The following DMAC1 variants were observed in gnomAD, a reference collection of about 807,000 sequenced individuals.
The protein encoded by DMAC1 is distal membrane arm assembly component 1.
Under a neutral mutation model 7.0 loss-of-function variants are expected in DMAC1, and 10 were observed. The ratio of observed to expected loss-of-function variants is 1.43; its 90% CI spans 0.88 to 2.43. The LOEUF is 2.43. Among genes scored for constraint, DMAC1 ranks in the 30% most tolerant of loss-of-function variants. DMAC1 has a pLI of 0.00. For missense variants in DMAC1, 219 were observed against 158.7 expected, an observed-to-expected ratio of 1.38 and a Z score of -2.04; for synonymous variants, 92 against 66.2, an observed-to-expected ratio of 1.39 and a Z score of -1.90.
At position 7,797,879 on chromosome 9, in the gene DMAC1, T is replaced by A. The variant is rs922928803; in HGVS notation, c.*694A>T. 2 of 152,210 alleles carry A rather than the reference T, an allele frequency of 1.3e-5. No individual in the cohort carries two copies. The highest frequency in any genetic ancestry group is 4.8e-5 in the African/African-American group (2 of 41,454). The allele number at this position is 152,210 out of a possible 1,614,324, so 9.4% of individuals were successfully genotyped here. A position where few individuals can be genotyped will look rare whatever the true frequency, so the allele number is the denominator to read the frequency against. On this transcript the variant is annotated 3_prime_UTR_variant, in exon 2 of 2. Coordinates refer to ENST00000358227, the MANE Select transcript of DMAC1 (RefSeq NM_033428.3). ...CTAGCTCCATCACGGACTTACTGAATGACCCTAGGCAAATCATGTGGGCTC... is the reference window on the plus strand; with the variant it reads ...CTAGCTCCATCACGGACTTACTGAAAGACCCTAGGCAAATCATGTGGGCTC...
In DMAC1 at chr9:7,799,486, G is replaced by A. The variant is rs1818694455; in HGVS notation, c.249C>T (p.Thr83=). The stretch of plus-strand genomic sequence containing the variant: ...TGAGGCCGATGACCATCTGCGTAAT[G>A]GTCCATGGACTCGGGGGGTATCCCA... The part of the protein sequence containing the change: ...MKMGYPPSPW[T]ITQMVIGLSI... Residue 83 remains threonine (T), a synonymous_variant, in exon 1 of 2, where the codon ACC becomes ACT. Coordinates refer to ENST00000358227, the MANE Select transcript of DMAC1 (RefSeq NM_033428.3). 1.2e-6 allele frequency: 2 copies of A among 1,612,918 alleles called. No homozygotes were observed. Among genetic ancestry groups the A allele is most frequent in the African/African-American group, 2.7e-5 (2 of 74,824 alleles).
chr9:7,799,725 G>A lies in DMAC1; in HGVS notation c.10C>T (p.Arg4Trp). Residue 4 changes from arginine to tryptophan, a missense_variant, in exon 1 of 2, where the codon CGG becomes TGG. Physicochemically the swap from Arg to Trp is moderately radical, Grantham distance 101. Transcript: ENST00000358227. MGS[R>W]LSQPFESYIT... is the part of the protein sequence containing the mutation. ...TAGGACTCAAAAGGCTGGGACAACC[G>A]AGACCCCATGCTCTGGAACTCGGCC... 4 of 1,539,014 alleles carry A rather than the reference G, an allele frequency of 2.6e-6. No homozygotes were observed. The highest frequency in any genetic ancestry group is 1.9e-4 in the Middle Eastern group (1 of 5,304).
Position 7,799,707 on chromosome 9 carries a change from C to G in DMAC1, c.28G>C (p.Glu10Gln), listed in dbSNP as rs1183976274. Residue 10 changes from glutamate to glutamine, a missense_variant, in exon 1 of 2, where the codon GAG (glutamate) becomes CAG (glutamine). Glu to Gln is a conservative substitution (Grantham distance 29). Transcript: ENST00000358227. MGSRLSQPF[E>Q]SYITAPPGTA... is the part of the protein sequence containing the mutation. ...CCGGGAGGCGCAGTGATATAGGACT[C>G]AAAAGGCTGGGACAACCGAGACCCC... The G allele has an allele frequency of 6.4e-7, 1 of 1,568,880 alleles. No individual in the cohort carries two copies.
In DMAC1 at chr9:7,798,507, C is replaced by T. The variant is rs758289938; in HGVS notation, c.*66G>A. 54 of 1,558,930 alleles carry T rather than the reference C, an allele frequency of 3.5e-5. No homozygotes were observed. Among genetic ancestry groups the T allele is most frequent in the Middle Eastern group, 3.3e-4 (2 of 6,008 alleles). On this transcript the variant is annotated 3_prime_UTR_variant, in exon 2 of 2. Coordinates refer to ENST00000358227, the MANE Select transcript of DMAC1 (RefSeq NM_033428.3). Reference sequence around the variant, plus strand: ...GTCTGTCCAGAACACCCATTAAATTCCATGCCTGCTGTGTGTGTCACGGGG... The same window carrying T: ...GTCTGTCCAGAACACCCATTAAATTTCATGCCTGCTGTGTGTGTCACGGGG...
intron 1 of DMAC1, among the ~76,000 whole-genome samples, chr9:7,798,934 C>T (rs555834265): frequency 6.6e-6 from 1 of 152,268 alleles, no homozygotes; most frequent in Admixed American, 6.5e-5. Flanking sequence ...GATTGGATGA[C>T]ATCTTGACGA....
chr9:7,798,745 T>G (rs1419289618), intron 1 of DMAC1, 108 bp from the exon 2 acceptor site: 3 of 876,504 alleles, frequency 3.4e-6, no homozygotes, highest in Non-Finnish European at 5.0e-6. Flanking sequence ...GGAGGATATA[T>G]TACCATTGTA....
chr9:7,798,746 T>C (rs1818672704), intron 1 of DMAC1, 109 bp from the exon 2 acceptor site: 1 of 850,542 alleles, frequency 1.2e-6, no homozygotes, highest in South Asian at 2.9e-5. Flanking sequence ...GAGGATATAT[T>C]ACCATTGTAT....
In DMAC1 at chr9:7,796,954, C is replaced by G. The variant is rs1380347513; in HGVS notation, c.*1619G>C. 1.3e-5 allele frequency: 2 copies of G among 152,172 alleles called. No homozygotes were observed. Among genetic ancestry groups the G allele is most frequent in the Admixed American group, 6.5e-5 (1 of 15,280 alleles). 9.4% of individuals were successfully genotyped at this position (152,172 alleles called of 1,614,324 possible). On this transcript the variant is annotated 3_prime_UTR_variant, in exon 2 of 2. Coordinates refer to ENST00000358227, the MANE Select transcript of DMAC1 (RefSeq NM_033428.3). ...GGTTATATGCAGATTCTCCACTGAG[C>G]AAATGTTCAGCGCTCTTAACTCCTG...
rs1818656268 is a variant in DMAC1 at position 7,798,238 on chromosome 9, T to G, written c.*335A>C. On this transcript the variant is annotated 3_prime_UTR_variant, in exon 2 of 2. Coordinates refer to ENST00000358227, the MANE Select transcript of DMAC1 (RefSeq NM_033428.3). Reference sequence around the variant, plus strand: ...TATGTTTATTATATATAATATGACATGCAATTATATAAGACATACTATTAT... The same window carrying G: ...TATGTTTATTATATATAATATGACAGGCAATTATATAAGACATACTATTAT... The G allele has an allele frequency of 5.4e-6, 1 of 186,732 alleles. No individual in the cohort carries two copies. Among genetic ancestry groups the G allele is most frequent in the East Asian group, 1.3e-4 (1 of 7,804 alleles). The allele number at this position is 186,732 out of a possible 1,614,324, so 11.6% of individuals were successfully genotyped here.
At chr9:7,799,246 C>T (rs1321568374) in intron 1 of DMAC1, among the ~76,000 whole-genome samples, 1 of 151,388 alleles carries the variant, frequency 6.6e-6, no homozygotes, top group Non-Finnish European at 1.5e-5. Flanking sequence ...AGGGCTGAGT[C>T]TAATAAGGGT....
At position 7,798,500 on chromosome 9, in the gene DMAC1, T is replaced by C. The variant is rs765189648; in HGVS notation, c.*73A>G. ...TACAAGTGTCTGTCCAGAACACCCA[T>C]TAAATTCCATGCCTGCTGTGTGTGT... On this transcript the variant is annotated 3_prime_UTR_variant, in exon 2 of 2. Coordinates refer to ENST00000358227, the MANE Select transcript of DMAC1 (RefSeq NM_033428.3). 27 of 1,531,380 alleles carry C rather than the reference T, an allele frequency of 1.8e-5. No individual in the cohort carries two copies. In the African/African-American group the frequency reaches 3.5e-4, roughly 20 times the overall value. 94.9% of individuals were successfully genotyped at this position (1,531,380 alleles called of 1,614,324 possible). A position where few individuals can be genotyped will look rare whatever the true frequency, so the allele number is the denominator to read the frequency against.
chr9:7,799,731 C>G lies in DMAC1; in HGVS notation c.4G>C (p.Gly2Arg), dbSNP rs1754166229. The G allele has an allele frequency of 2.0e-6, 3 of 1,525,234 alleles. No homozygotes were observed. The highest frequency in any genetic ancestry group is 2.8e-5 in the African/African-American group (2 of 72,468). The allele number at this position is 1,525,234 out of a possible 1,614,324, so 94.5% of individuals were successfully genotyped here. A position where few individuals can be genotyped will look rare whatever the true frequency, so the allele number is the denominator to read the frequency against. Residue 2 changes from glycine to arginine, a missense_variant, in exon 1 of 2, where the codon GGG becomes CGG. Physicochemically the swap from Gly to Arg is moderately radical, Grantham distance 125. Coordinates refer to ENST00000358227, the MANE Select transcript of DMAC1 (RefSeq NM_033428.3). Reference protein sequence around the residue: MGSRLSQPFESY... With the variant: MRSRLSQPFESY... ...TCAAAAGGCTGGGACAACCGAGACCCCATGCTCTGGAACTCGGCCTCAACC... is the reference window on the plus strand; with the variant it reads ...TCAAAAGGCTGGGACAACCGAGACCGCATGCTCTGGAACTCGGCCTCAACC...
Position 7,799,643 on chromosome 9 carries a change from G to T in DMAC1, c.92C>A (p.Thr31Lys). Residue 31 changes from threonine (T) to lysine (K), a missense_variant, in exon 1 of 2, where the codon ACA (threonine) becomes AAA (lysine). Physicochemically the swap from Thr to Lys is moderately conservative, Grantham distance 78. Coordinates refer to ENST00000358227, the MANE Select transcript of DMAC1 (RefSeq NM_033428.3). ...TGCTGGGGAGGTCGGCGCTCCGGGT[G>T]TAGCTGGGGGCGCAGGTTTGGCGGG... ...AAPAKPAPPA[T>K]PGAPTSPAEH... is the part of the protein sequence containing the mutation. 1.2e-6 allele frequency: 2 copies of T among 1,612,424 alleles called. No individual in the cohort carries two copies. The highest frequency in any genetic ancestry group is 1.7e-6 in the Non-Finnish European group (2 of 1,179,664).
At position 7,798,392 on chromosome 9, in the gene DMAC1, A is replaced by G; in HGVS notation, c.*181T>C. The G allele has an allele frequency of 1.5e-6, 1 of 673,022 alleles. No homozygotes were observed. The highest frequency in any genetic ancestry group is 2.7e-6 in the Non-Finnish European group (1 of 375,494). The allele number at this position is 673,022 out of a possible 1,614,324, so 41.7% of individuals were successfully genotyped here. A position where few individuals can be genotyped will look rare whatever the true frequency, so the allele number is the denominator to read the frequency against. On this transcript the variant is annotated 3_prime_UTR_variant, in exon 2 of 2. Transcript: ENST00000358227. Reference sequence around the variant, plus strand: ...GGTTCCTGTGAAATCTGTGAAGGCCACAAACACTCCATAGCCAGAGAATGA... The same window carrying G: ...GGTTCCTGTGAAATCTGTGAAGGCCGCAAACACTCCATAGCCAGAGAATGA...
chr9:7,799,442 G>A lies in DMAC1; in HGVS notation c.274+19C>T, dbSNP rs779886269. ...CCGCAGATACCCAACCCGCCCAAGT[G>A]CTGTGCCTTGATTCTCACTGAGGCC... On this transcript the variant is annotated intron_variant, in intron 1 of 1. Transcript: ENST00000358227. The A allele has an allele frequency of 8.1e-6, 13 of 1,611,798 alleles. No homozygotes were observed. Among genetic ancestry groups the A allele is most frequent in the African/African-American group, 1.3e-5 (1 of 74,878 alleles).
chr9:7,798,663 C>G lies in DMAC1; in HGVS notation c.275-26G>C, dbSNP rs201653810. On this transcript the variant is annotated intron_variant, in intron 1 of 1. Coordinates refer to ENST00000358227, the MANE Select transcript of DMAC1 (RefSeq NM_033428.3). ...CTAGAAAAAAAACAACAATACCTTA[C>G]CTTTATGCTGCATTTAAATTTACCA... The G allele has an allele frequency of 4.5e-4, 683 of 1,506,580 alleles. 1 individual carries two copies. Among genetic ancestry groups the G allele is most frequent in the Non-Finnish European group, 5.8e-4 (651 of 1,119,606 alleles). 93.3% of individuals were successfully genotyped at this position (1,506,580 alleles called of 1,614,324 possible).
At chr9:7,798,736 G>T in intron 1 of DMAC1, 99 bp from the exon 2 acceptor site, 1 of 954,854 alleles carries the variant, frequency 1.0e-6, no homozygotes, top group Non-Finnish European at 1.5e-6. Flanking sequence ...AACACTTCTG[G>T]AGGATATATT....
chr9:7,798,120 T>C lies in DMAC1; in HGVS notation c.*453A>G, dbSNP rs2990601. On this transcript the variant is annotated 3_prime_UTR_variant, in exon 2 of 2. Transcript: ENST00000358227. ...AAGAAATAAAAAGAACTCTTTAAAA[T>C]AATGAAGTAAAATAGCTAATTTTCC... The C allele has an allele frequency of 6.6e-6, 1 of 152,470 alleles. No individual in the cohort carries two copies. The highest frequency in any genetic ancestry group is 3.4e-3 in the Middle Eastern group (1 of 294). The allele number at this position is 152,470 out of a possible 1,614,324, so 9.4% of individuals were successfully genotyped here.
chr9:7,799,273 CTTAAAA>C (rs1458311944), intron 1 of DMAC1, among the ~76,000 whole-genome samples, 182 bp downstream of exon 1: 6 of 150,856 alleles, frequency 4.0e-5, no homozygotes, highest in African/African-American at 1.5e-4. Context: ...GAAATACTAA[CTTAAAA>C]TTAAAAAAAA....
Sources: gnomAD v4.1 joint callset for allele counts (sites outside exome capture counted in the v4.1 genomes callset) on GRCh38, gnomAD v4.1.1 for gene constraint, MANE v1.5 for transcripts, NCBI Gene and HGNC (gene_info 2026-07-23, HGNC 2026-07-21) for gene names.